GMDS: variants seen among roughly 807,000 people sequenced by gnomAD.
The protein encoded by GMDS is GDP-mannose 4,6 dehydratase.
GMDS carries 20 observed loss-of-function variants against 49.9 expected under a neutral mutation model. The ratio of observed to expected loss-of-function variants is 0.40; its 90% CI spans 0.28 to 0.58. GMDS has a LOEUF of 0.58. GMDS is among the 20% of genes least tolerant of loss of function. The probability of loss-of-function intolerance (pLI) is 0.42; values close to 1 mark genes in which losing one functional copy is unlikely to be tolerated. For synonymous variants in GMDS, 177 were observed against 178.6 expected, an observed-to-expected ratio of 0.99 and a Z score of 0.07; for missense variants, 362 against 481.4, an observed-to-expected ratio of 0.75 and a Z score of 2.32.
chr6:1,971,625 A>G (rs1207236194), intron 4 of GMDS, among the ~76,000 whole-genome samples: 1 of 152,158 alleles, frequency 6.6e-6, no homozygotes, highest in Non-Finnish European at 1.5e-5. Context: ...ACAATCCCCA[A>G]ACGCACCCTG....
chr6:2,067,485 T>C (rs1355655247), intron 4 of GMDS, among the ~76,000 whole-genome samples: 3 of 152,030 alleles, frequency 2.0e-5, no homozygotes, highest in Non-Finnish European at 4.4e-5. Flanking sequence ...AGCTGCTTTT[T>C]TGAAAGGATC....
At chr6:1,802,769 C>T (rs1270511837) in intron 7 of GMDS, among the ~76,000 whole-genome samples, 1 of 152,246 alleles carries the variant, frequency 6.6e-6, no homozygotes, top group Non-Finnish European at 1.5e-5. Context: ...TCTTCTTTTT[C>T]CTGATACTGT....
rs564134427 is a variant in GMDS, at chr6:2,233,407, G to T, written c.102+11914C>A. ...AGAAAACTTTTTCAGTGAAGGGCCA[G>T]AGAGTAAACATTTCAGGCTTTCAAA... On this transcript the variant is annotated intron_variant, in intron 1 of 10. Coordinates refer to ENST00000380815, the MANE Select transcript of GMDS (RefSeq NM_001500.4). Among the ~76,000 whole-genome samples the T allele has an allele frequency of 9.6e-5, 14 of 146,052 alleles. No individual in the cohort carries two copies. The South Asian group carries it at 1.4e-3, about 14-fold the overall frequency.
At chr6:1,674,918 T>C (rs1764565748) in intron 9 of GMDS, among the ~76,000 whole-genome samples, 1 of 151,792 alleles carries the variant, frequency 6.6e-6, no homozygotes, top group African/African-American at 2.4e-5. Context: ...TTAATGTAAA[T>C]TACATTGTTT....
intron 4 of GMDS, among the ~76,000 whole-genome samples, chr6:2,035,979 G>A (rs375190101): frequency 1.3e-5 from 2 of 152,084 alleles, no homozygotes; most frequent in Non-Finnish European, 2.9e-5. Context: ...GAGCCACCGC[G>A]CCCAGCCAAA....
intron 1 of GMDS, among the ~76,000 whole-genome samples, chr6:2,216,683 T>C (rs1364712982): frequency 6.6e-6 from 1 of 152,216 alleles, no homozygotes; most frequent in East Asian, 1.9e-4. Context: ...CACTGAAACC[T>C]GCTTAACTAT....
chr6:2,173,387 T>C (rs1169567703), intron 1 of GMDS, among the ~76,000 whole-genome samples: 2 of 152,218 alleles, frequency 1.3e-5, no homozygotes, highest in African/African-American at 4.8e-5. Context: ...TTAGGCCACC[T>C]GCACCCAGCC....
intron 9 of GMDS, among the ~76,000 whole-genome samples, chr6:1,648,289 A>G (rs2113205490): frequency 6.6e-6 from 1 of 152,336 alleles, no homozygotes; most frequent in African/African-American, 2.4e-5. Flanking sequence ...GTTACGCTGG[A>G]TACATTTCAT....
intron 9 of GMDS, among the ~76,000 whole-genome samples, chr6:1,693,858 T>C (rs982061666): frequency 6.6e-6 from 1 of 152,202 alleles, no homozygotes; most frequent in Admixed American, 6.5e-5. Flanking sequence ...AGGCTGTGCT[T>C]TATGTACATT....
At chr6:1,809,694 A>G (rs1205316939) in intron 7 of GMDS, among the ~76,000 whole-genome samples, 1 of 152,194 alleles carries the variant, frequency 6.6e-6, no homozygotes, top group Non-Finnish European at 1.5e-5. Flanking sequence ...AGTGACAAAG[A>G]AGAGGGCTAG....
chr6:2,009,931 T>C (rs182584861), intron 4 of GMDS, among the ~76,000 whole-genome samples: 19 of 152,258 alleles, frequency 1.2e-4, no homozygotes, highest in Admixed American at 7.9e-4. Flanking sequence ...AGAAAAATAC[T>C]TGAAGATATA....
intron 4 of GMDS, among the ~76,000 whole-genome samples, chr6:1,993,474 C>T (rs1042617884): frequency 6.6e-6 from 1 of 152,206 alleles, no homozygotes; most frequent in African/African-American, 2.4e-5. Flanking sequence ...GGCCTGGCAG[C>T]TGCTAGATGC....
intron 4 of GMDS, among the ~76,000 whole-genome samples, chr6:2,050,920 G>C (rs1221504821): frequency 6.6e-6 from 1 of 152,078 alleles, no homozygotes; most frequent in Non-Finnish European, 1.5e-5. Context: ...AGAACACTTG[G>C]ACACAGGGCG....
At chr6:1,945,950 G>A (rs1763058310) in intron 6 of GMDS, among the ~76,000 whole-genome samples, 1 of 152,128 alleles carries the variant, frequency 6.6e-6, no homozygotes, top group Non-Finnish European at 1.5e-5. Flanking sequence ...TAAACACCAT[G>A]AAACAGTTTT....
chr6:1,940,764 A>G (rs890763873), intron 6 of GMDS, among the ~76,000 whole-genome samples: 3 of 152,282 alleles, frequency 2.0e-5, no homozygotes, highest in Admixed American at 6.5e-5. Context: ...TGCTATTTGT[A>G]TCAAATGTTC....
intron 4 of GMDS, among the ~76,000 whole-genome samples, chr6:2,001,441 A>T (rs1325294636): frequency 6.6e-6 from 1 of 152,168 alleles, no homozygotes; most frequent in Non-Finnish European, 1.5e-5. Flanking sequence ...GTGGGTTGCC[A>T]TTCTCTTTCT....
intron 6 of GMDS, among the ~76,000 whole-genome samples, chr6:1,942,086 A>G (rs1362383358): frequency 6.6e-6 from 1 of 152,052 alleles, no homozygotes; most frequent in Non-Finnish European, 1.5e-5. Context: ...TCCTGGTCGG[A>G]TCTTCCTCCT....
At chr6:1,731,745 T>A (rs1766817039) in intron 8 of GMDS, among the ~76,000 whole-genome samples, 1 of 152,166 alleles carries the variant, frequency 6.6e-6, no homozygotes, top group Non-Finnish European at 1.5e-5. Context: ...TGTCAGGAAA[T>A]AGGGGCTCAG....
At chr6:1,977,434 A>C (rs1764969931) in intron 4 of GMDS, among the ~76,000 whole-genome samples, 2 of 152,202 alleles carry the variant, frequency 1.3e-5, no homozygotes, top group Non-Finnish European at 2.9e-5. Context: ...AGCAAGGAAA[A>C]CCAACATTCA....
Sources: gnomAD v4.1 joint callset for allele counts (sites outside exome capture counted in the v4.1 genomes callset) on GRCh38, gnomAD v4.1.1 for gene constraint, MANE v1.5 for transcripts, NCBI Gene and HGNC (gene_info 2026-07-23, HGNC 2026-07-21) for gene names.